The following IQCJ variants were observed in gnomAD, a reference collection of about 807,000 sequenced individuals.
IQCJ encodes the protein IQ domain-containing protein J.
A neutral mutation model predicts 11.0 loss-of-function variants in IQCJ; 9 were observed. The ratio of observed to expected loss-of-function variants is 0.82; its 90% confidence interval spans 0.49 to 1.43. IQCJ has a LOEUF of 1.43. Among genes scored for constraint, IQCJ ranks in the 40% most tolerant of loss-of-function variants. The pLI is 0.00. For synonymous variants in IQCJ, 55 were observed against 51.3 expected (o/e 1.07, Z -0.31); for missense variants, 146 against 133.2 (o/e 1.10, Z -0.47).
chr3:159,072,326 G>A (rs1559973027), intron 1 of IQCJ, among the ~76,000 whole-genome samples: 1 of 151,994 alleles, frequency 6.6e-6, no homozygotes, highest in Non-Finnish European at 1.5e-5. Flanking sequence ...ACCAAGCGGG[G>A]GAGGAGGTTA....
intron 1 of IQCJ, among the ~76,000 whole-genome samples, chr3:159,093,431 T>C (rs922742537): frequency 2.6e-5 from 4 of 151,850 alleles, no homozygotes. Context: ...AGGTTTTACA[T>C]CTTTTTGTCA....
chr3:159,218,836 C>T (rs1004421106), intron 1 of IQCJ, among the ~76,000 whole-genome samples: 7 of 152,168 alleles, frequency 4.6e-5, no homozygotes, highest in Middle Eastern at 3.4e-3. Flanking sequence ...AAGTCTGAAA[C>T]GGGTTTTGAT....
At chr3:159,266,000 A>G (rs575501143), downstream of IQCJ, 1 of 152,372 alleles carries the variant, frequency 6.6e-6, no homozygotes, top group South Asian at 2.1e-4. Context: ...CTTAAAATAT[A>G]TAACAAAAGT....
chr3:159,090,463 G>A (rs1717185655), intron 1 of IQCJ, among the ~76,000 whole-genome samples: 1 of 151,942 alleles, frequency 6.6e-6, no homozygotes, highest in South Asian at 2.1e-4. Context: ...AAGATTGTTG[G>A]ATGCTGGGTC....
intron 1 of IQCJ, among the ~76,000 whole-genome samples, chr3:159,165,247 G>T (rs1317861534): frequency 6.6e-6 from 1 of 152,160 alleles, no homozygotes; most frequent in Admixed American, 6.5e-5. Context: ...TAAATGTCTT[G>T]AATGTTCTAT....
intron 1 of IQCJ, among the ~76,000 whole-genome samples, chr3:159,155,992 C>A (rs1560006611): frequency 6.6e-6 from 1 of 152,076 alleles, no homozygotes. Context: ...AATTAACCAA[C>A]CTATTTTGAA....
chr3:159,180,680 T>C (rs980466916), intron 1 of IQCJ, among the ~76,000 whole-genome samples: 2 of 151,968 alleles, frequency 1.3e-5, no homozygotes, highest in Non-Finnish European at 2.9e-5. Flanking sequence ...GGGTATTCAT[T>C]ATACTATGTT....
chr3:159,076,866 T>C (rs1004089078), intron 1 of IQCJ, among the ~76,000 whole-genome samples: 1 of 152,158 alleles, frequency 6.6e-6, no homozygotes. Flanking sequence ...AATTAACTTC[T>C]CTGTGCCTTA....
chr3:159,232,941 G>C (rs1726349751), intron 1 of IQCJ, among the ~76,000 whole-genome samples: 1 of 152,186 alleles, frequency 6.6e-6, no homozygotes, highest in Non-Finnish European at 1.5e-5. Flanking sequence ...TTCTGGGACA[G>C]ATAGGACTTA....
At chr3:159,137,958 A>G (rs73164366) in intron 1 of IQCJ, among the ~76,000 whole-genome samples, 41,970 of 152,188 alleles carry the variant, frequency 0.28, 7,084 homozygotes, top group Non-Finnish European at 0.39. Context: ...GTCTTTATAT[A>G]TAAAATGCAA....
chr3:159,235,253 G>C (rs1726509512), intron 1 of IQCJ, among the ~76,000 whole-genome samples: 1 of 152,152 alleles, frequency 6.6e-6, no homozygotes. Context: ...TTGTCCTGCT[G>C]TTAAGCTGAA....
chr3:159,227,839 T>C (rs762159767), intron 1 of IQCJ, among the ~76,000 whole-genome samples: 9 of 152,212 alleles, frequency 5.9e-5, no homozygotes, highest in Non-Finnish European at 8.8e-5. Context: ...GAATACAGGA[T>C]GCAATCCTCA....
intron 2 of IQCJ, among the ~76,000 whole-genome samples, chr3:159,247,346 C>T (rs1025189313): frequency 6.6e-6 from 1 of 152,182 alleles, no homozygotes; most frequent in African/African-American, 2.4e-5. Context: ...TCCACCCACT[C>T]AGCCTCCCAA....
intron 3 of IQCJ, among the ~76,000 whole-genome samples, 165 bp from the exon 4 acceptor site, chr3:159,262,383 G>T (rs1728262546): frequency 6.6e-6 from 1 of 152,236 alleles, no homozygotes; most frequent in South Asian, 2.1e-4. Flanking sequence ...CTGGATTGAA[G>T]TTAAAGTTCA....
chr3:159,125,294 G>A (rs956877589), intron 1 of IQCJ, among the ~76,000 whole-genome samples: 1 of 152,072 alleles, frequency 6.6e-6, no homozygotes. Flanking sequence ...AACTAACAAG[G>A]TCATCCAAAA....
intron 1 of IQCJ, among the ~76,000 whole-genome samples, chr3:159,155,870 TG>T (rs1721491841): frequency 6.6e-6 from 1 of 152,228 alleles, no homozygotes; most frequent in Non-Finnish European, 1.5e-5. Context: ...TACCATGTTA[TG>T]TAGCAAACCA....
At chr3:159,190,434 AT>A (rs1229009657) in intron 1 of IQCJ, among the ~76,000 whole-genome samples, 1 of 152,228 alleles carries the variant, frequency 6.6e-6, no homozygotes, top group African/African-American at 2.4e-5. Context: ...TAGGGAATGC[AT>A]TCTTCTCTGG....
intron 1 of IQCJ, among the ~76,000 whole-genome samples, chr3:159,194,038 G>T (rs549230482): frequency 1.3e-5 from 2 of 152,294 alleles, no homozygotes; most frequent in African/African-American, 2.4e-5. Context: ...TCTGTGTATG[G>T]TTACTTGAGT....
At chr3:159,156,828 C>A (rs971740540) in intron 1 of IQCJ, among the ~76,000 whole-genome samples, 3 of 152,070 alleles carry the variant, frequency 2.0e-5, no homozygotes, top group African/African-American at 2.4e-5. Context: ...AATAAAAAGG[C>A]CTTAAAGATA....
Sources: allele counts gnomAD v4.1 joint callset (sites outside exome capture counted in the v4.1 genomes callset), GRCh38; gene constraint gnomAD v4.1.1; transcripts MANE v1.5; gene names NCBI Gene and HGNC (gene_info 2026-07-23, HGNC 2026-07-21).